The following BCAS3 variants were observed in gnomAD, a reference collection of about 807,000 sequenced individuals.
BCAS3 encodes BCAS4/BCAS3 fusion.
Under a neutral mutation model 116.1 loss-of-function variants are expected in BCAS3, and 53 were observed. That is an observed-to-expected ratio of 0.46 (90% CI 0.37 to 0.57). The LOEUF (loss-of-function observed/expected upper bound fraction) is 0.57. BCAS3 is among the 20% of genes least tolerant of loss of function. BCAS3 has a pLI of 0.00. For synonymous variants in BCAS3, 391 were observed against 408.2 expected, an observed-to-expected ratio of 0.96 and a Z score of 0.51; for missense variants, 917 against 1,165.4, an observed-to-expected ratio of 0.79 and a Z score of 3.10.
At chr17:60,991,933 T>A (rs1296095080) in intron 15 of BCAS3, among the ~76,000 whole-genome samples, 1 of 152,150 alleles carries the variant, frequency 6.6e-6, no homozygotes, top group Non-Finnish European at 1.5e-5. Flanking sequence ...CACATTGTAG[T>A]ATATATTAAC....
chr17:60,999,664 T>A (rs996587961), intron 15 of BCAS3, among the ~76,000 whole-genome samples: 3 of 152,156 alleles, frequency 2.0e-5, no homozygotes, highest in African/African-American at 7.2e-5. Context: ...AATTTTAGAA[T>A]AGTTTTTTCT....
intron 4 of BCAS3, among the ~76,000 whole-genome samples, chr17:60,703,150 C>A (rs879290666): frequency 1.3e-5 from 2 of 151,904 alleles, no homozygotes; most frequent in Non-Finnish European, 2.9e-5. Context: ...TGGCAGGTGC[C>A]TCTAATCCCA....
At position 61,368,213 on chromosome 17, in the gene BCAS3, A is replaced by G; in HGVS notation, c.2426-114A>G. The G allele has an allele frequency of 8.5e-7, 1 of 1,178,818 alleles. No individual in the cohort carries two copies. Among genetic ancestry groups the G allele is most frequent in the South Asian group, 1.6e-5 (1 of 60,840 alleles). The allele number at this position is 1,178,818 out of a possible 1,614,324, so 73.0% of individuals were successfully genotyped here. On this transcript the variant is annotated intron_variant, in intron 22 of 23. Transcript: ENST00000407086. The surrounding 1 kb of genome is among the most constrained non-coding windows in gnomAD (Gnocchi z 6.0). ...TCTGTTGGCGGCGTGCTTCCATCCT[A>G]CAGGAAGGCTACAATGGACCCTGGG...
At chr17:60,810,070 T>C in intron 7 of BCAS3, 1 of 259,976 alleles carries the variant, frequency 3.8e-6, no homozygotes, top group Non-Finnish European at 7.8e-6. Context: ...AACAGGAAGT[T>C]GTGGCAGTGA....
Position 60,784,297 on chromosome 17 carries a change from ATTTTTTTT to A in BCAS3, c.404-23691_404-23684del, listed in dbSNP as rs777660468. Among the ~76,000 whole-genome samples the A allele has an allele frequency of 3.5e-5, 4 of 114,836 alleles. No individual in the cohort carries two copies. In the East Asian group the frequency reaches 6.9e-4, roughly 20 times the overall value. 75.3% of individuals were successfully genotyped at this position (114,836 alleles called of 152,430 possible). A position where few individuals can be genotyped will look rare whatever the true frequency, so the allele number is the denominator to read the frequency against. ...TGTTCTTTCTAAAAAAATGAAACAAATTTTTTTTTTTTTTTTTTTTTTTGAGACGGAGT... is the reference window on the plus strand; with the variant it reads ...TGTTCTTTCTAAAAAAATGAAACAAATTTTTTTTTTTTTTTGAGACGGAGT... On this transcript the variant is annotated intron_variant, in intron 6 of 23. Transcript: ENST00000407086.
At position 61,366,995 on chromosome 17, in the gene BCAS3, T is replaced by G. The variant is rs1050468023; in HGVS notation, c.2426-1332T>G. ...ACTAACGGTTATCACCTCAATGCTG[T>G]GGCCATTATCAGAGGCAGGACCGCC... On this transcript the variant is annotated intron_variant, in intron 22 of 23. Coordinates refer to ENST00000407086, the MANE Select transcript of BCAS3 (RefSeq NM_017679.5). This position sits in a 1 kb window ranked among gnomAD's most constrained non-coding sequence, Gnocchi z 4.5. 2.0e-5 allele frequency among the ~76,000 whole-genome samples: 3 copies of G among 152,216 alleles called. No homozygotes were observed. The highest frequency in any genetic ancestry group is 2.0e-4 in the Admixed American group (3 of 15,284).
intron 9 of BCAS3, among the ~76,000 whole-genome samples, chr17:60,875,841 C>CAT (rs2055556011): frequency 1.3e-5 from 2 of 151,932 alleles, no homozygotes; most frequent in East Asian, 1.9e-4. Context: ...GAAATATATA[C>CAT]ATATATATAA....
rs1359882929 is a variant in BCAS3, at chr17:61,261,193, C to A, written c.2426-107134C>A. Among the ~76,000 whole-genome samples the A allele has an allele frequency of 6.6e-6, 1 of 152,150 alleles. No homozygotes were observed. The highest frequency in any genetic ancestry group is 2.4e-5 in the African/African-American group (1 of 41,422). On this transcript the variant is annotated intron_variant, in intron 22 of 23. Coordinates refer to ENST00000407086, the MANE Select transcript of BCAS3 (RefSeq NM_017679.5). This position sits in a 1 kb window ranked among gnomAD's most constrained non-coding sequence, Gnocchi z 4.4. ...AAAGGGCCAACCCATTAGGGAAGTA[C>A]CTCCCTGGGGAGCGGGTGGACAGGG... is the stretch of plus-strand genomic sequence containing the variant.
Position 61,084,526 on chromosome 17 carries a change from A to G in BCAS3, c.2387A>G (p.Asp796Gly). The G allele has an allele frequency of 6.2e-7, 1 of 1,614,100 alleles. No individual in the cohort carries two copies. Among genetic ancestry groups the G allele is most frequent in the Non-Finnish European group, 8.5e-7 (1 of 1,180,002 alleles). Residue 796 changes from aspartate (D) to glycine (G), a missense_variant, in exon 22 of 24, where the codon GAT becomes GGT. By Grantham distance (94) the Asp-to-Gly change is moderately conservative. Around this residue, in one of 3 missense-constraint regions of BCAS3, gnomAD observed 807 missense variants for 1,026.0 expected, o/e 0.79. Coordinates refer to ENST00000407086, the MANE Select transcript of BCAS3 (RefSeq NM_017679.5). The surrounding 1 kb of genome is among the most constrained non-coding windows in gnomAD (Gnocchi z 5.5). ...SMPGSSRPVS[D>G]RRGVSTVIDA... ...CCAGGGTCATCCCGTCCAGTCTCTG[A>G]TCGAAGGGGAGTTTCCACAGTGATT...
rs937954249 is a variant in BCAS3 at position 60,878,192 on chromosome 17, T to A, written c.661+3454T>A. 3.9e-5 allele frequency among the ~76,000 whole-genome samples: 6 copies of A among 152,130 alleles called. No homozygotes were observed. The South Asian group carries it at 6.2e-4, about 16-fold the overall frequency. On this transcript the variant is annotated intron_variant, in intron 9 of 23. Coordinates refer to ENST00000407086, the MANE Select transcript of BCAS3 (RefSeq NM_017679.5). ...GCCCGGCTAATTTTTGTATTTTTAG[T>A]AGAGATGGGGTTTTACCATGTTGTC...
chr17:61,068,436 A>C lies in BCAS3; in HGVS notation c.2030-6484A>C, dbSNP rs772674856. Reference sequence around the variant, plus strand: ...CCACCAGATCATTGGCCATTGGTTCATATAGGTCTCTGCAGCATCCATTCT... The same window carrying C: ...CCACCAGATCATTGGCCATTGGTTCCTATAGGTCTCTGCAGCATCCATTCT... On this transcript the variant is annotated intron_variant, in intron 19 of 23. Coordinates refer to ENST00000407086, the MANE Select transcript of BCAS3 (RefSeq NM_017679.5). The surrounding 1 kb of genome is among the most constrained non-coding windows in gnomAD (Gnocchi z 4.3). Among the ~76,000 whole-genome samples the C allele has an allele frequency of 1.3e-5, 2 of 152,222 alleles. No individual in the cohort carries two copies. The highest frequency in any genetic ancestry group is 4.8e-5 in the African/African-American group (2 of 41,450).
At chr17:60,937,119 T>A (rs531698338) in intron 13 of BCAS3, among the ~76,000 whole-genome samples, 1 of 152,158 alleles carries the variant, frequency 6.6e-6, no homozygotes, top group Non-Finnish European at 1.5e-5. Context: ...AATAGGGAAT[T>A]GTTTCCCCAT....
intron 6 of BCAS3, among the ~76,000 whole-genome samples, chr17:60,784,035 A>G (rs1269887148): frequency 6.6e-6 from 1 of 152,156 alleles, no homozygotes; most frequent in Non-Finnish European, 1.5e-5. Context: ...TCCATTGTAG[A>G]ACTGCTGCCA....
At chr17:60,943,648 GCAGT>G (rs907270046) in intron 13 of BCAS3, among the ~76,000 whole-genome samples, 3 of 151,996 alleles carry the variant, frequency 2.0e-5, no homozygotes, top group African/African-American at 7.2e-5. Flanking sequence ...GGAACAGAAA[GCAGT>G]CAGTCAGTAA....
intron 6 of BCAS3, among the ~76,000 whole-genome samples, chr17:60,807,615 C>T (rs1337509482): frequency 6.6e-6 from 1 of 152,010 alleles, no homozygotes; most frequent in Non-Finnish European, 1.5e-5. Flanking sequence ...AACCCTGTCT[C>T]TACTAAAAAT....
At position 61,013,559 on chromosome 17, in the gene BCAS3, A is replaced by G. The variant is rs1372991109; in HGVS notation, c.1487-2192A>G. Among the ~76,000 whole-genome samples, 3 of 152,118 alleles carry G rather than the reference A, an allele frequency of 2.0e-5. No homozygotes were observed. In the East Asian group the frequency reaches 5.8e-4, roughly 29 times the overall value. On this transcript the variant is annotated intron_variant, in intron 15 of 23. Coordinates refer to ENST00000407086, the MANE Select transcript of BCAS3 (RefSeq NM_017679.5). This position sits in a 1 kb window ranked among gnomAD's most constrained non-coding sequence, Gnocchi z 4.4. ...TGTGATTTCCCTCTTCATATTTTCT[A>G]CAAGGTTCTGTGTTGTGGCCTAAAT... is the stretch of plus-strand genomic sequence containing the variant.
chr17:61,161,790 A>C lies in BCAS3; in HGVS notation c.2425+77226A>C. Among the ~76,000 whole-genome samples the C allele has an allele frequency of 6.6e-6, 1 of 152,196 alleles. No homozygotes were observed. Among genetic ancestry groups the C allele is most frequent in the Non-Finnish European group, 1.5e-5 (1 of 68,022 alleles). ...AGTTGCTGTCTGGTTGGTTGAACTC[A>C]TTCTCCTCAGCTTATATTTAACTCG... On this transcript the variant is annotated intron_variant, in intron 22 of 23. Coordinates refer to ENST00000407086, the MANE Select transcript of BCAS3 (RefSeq NM_017679.5). The surrounding 1 kb of genome is among the most constrained non-coding windows in gnomAD (Gnocchi z 4.8).
chr17:60,811,520 TAAAAAAA>T (rs548812040), intron 7 of BCAS3: 17 of 298,662 alleles, frequency 5.7e-5, no homozygotes, highest in Non-Finnish European at 8.3e-5. Flanking sequence ...AGTTCAGAGG[TAAAAAAA>T]AAAAAGAAAA....
At chr17:61,147,058 G>T (rs2143973577) in intron 22 of BCAS3, among the ~76,000 whole-genome samples, 1 of 151,542 alleles carries the variant, frequency 6.6e-6, no homozygotes, top group Non-Finnish European at 1.5e-5. Flanking sequence ...GGGACTATAG[G>T]CACACACCAC....
Sources: gnomAD v4.1 joint callset for allele counts (sites outside exome capture counted in the v4.1 genomes callset) on GRCh38, gnomAD v4.1.1 for gene constraint, gnomAD v4.1.1 regional missense constraint, Gnocchi (gnomAD v3.1) non-coding constraint, MANE v1.5 for transcripts, NCBI Gene and HGNC (gene_info 2026-07-23, HGNC 2026-07-21) for gene names.